ALK: variants seen among roughly 807,000 people sequenced by gnomAD.
The protein encoded by ALK is ALK receptor tyrosine kinase.
In ALK, 74 loss-of-function variants were observed where a neutral mutation model predicts 163.1. The ratio of observed to expected loss-of-function variants is 0.45; its 90% CI spans 0.38 to 0.55. The LOEUF (loss-of-function observed/expected upper bound fraction) is 0.55, where lower values mean the gene tolerates loss of function less well. Among genes scored for constraint, ALK ranks in the 20% least tolerant of loss-of-function variants. ALK has a pLI of 0.00. For missense variants in ALK, 2,063 were observed against 2,105.3 expected (o/e 0.98, Z 0.39); for synonymous variants, 960 against 843.2 (o/e 1.14, Z -2.40).
chr2:29,686,667 C>T lies in ALK; in HGVS notation c.952+8183G>A, dbSNP rs143514072. ...TTTCCTTGCTCCACATGCCTATCTC[C>T]CTATCTCCCTGTGGGCAGACCCATG... On this transcript the variant is annotated intron_variant, in intron 3 of 28. Coordinates refer to ENST00000389048, the MANE Select transcript of ALK (RefSeq NM_004304.5). Among the ~76,000 whole-genome samples, 1,109 of 152,270 alleles carry T rather than the reference C, an allele frequency of 7.3e-3. 5 individuals are homozygous for T. Among genetic ancestry groups the T allele is most frequent in the Non-Finnish European group, 0.011 (751 of 68,032 alleles).
chr2:29,794,952 A>C (rs1002503877), intron 1 of ALK, among the ~76,000 whole-genome samples: 12 of 152,206 alleles, frequency 7.9e-5, no homozygotes, highest in African/African-American at 2.9e-4. Context: ...ACAAAACTTC[A>C]ATTTGTGAAA....
chr2:29,910,839 C>T (rs942066177), intron 1 of ALK, among the ~76,000 whole-genome samples: 12 of 151,984 alleles, frequency 7.9e-5, no homozygotes, highest in Non-Finnish European at 1.8e-4. Context: ...ATATTAAAGG[C>T]TAAAGGAAAA....
chr2:29,643,387 T>C (rs1213803707), intron 3 of ALK, among the ~76,000 whole-genome samples: 1 of 152,184 alleles, frequency 6.6e-6, no homozygotes, highest in African/African-American at 2.4e-5. Flanking sequence ...TCAAAAAATA[T>C]GTTGGAAAGA....
chr2:29,874,718 A>G (rs926517705), intron 1 of ALK, among the ~76,000 whole-genome samples: 1 of 152,210 alleles, frequency 6.6e-6, no homozygotes, highest in Non-Finnish European at 1.5e-5. Context: ...CAGGGGAGAC[A>G]AGAGTGGATT....
chr2:29,906,806 T>C (rs1192199114), intron 1 of ALK, among the ~76,000 whole-genome samples: 3 of 152,194 alleles, frequency 2.0e-5, no homozygotes, highest in African/African-American at 7.2e-5. Context: ...GTAGCTGTTA[T>C]CATTAAATTA....
At chr2:29,208,362 G>C (rs942077258) in intron 25 of ALK, among the ~76,000 whole-genome samples, 1 of 152,174 alleles carries the variant, frequency 6.6e-6, no homozygotes, top group Non-Finnish European at 1.5e-5. Flanking sequence ...GAAGCCTGGA[G>C]CTGGGAGCTG....
chr2:29,590,632 A>C (rs2148206168), intron 3 of ALK, among the ~76,000 whole-genome samples: 1 of 152,190 alleles, frequency 6.6e-6, no homozygotes, highest in East Asian at 1.9e-4. Flanking sequence ...CTGTGAGGTC[A>C]CTTTAGCCAG....
At chr2:29,764,682 C>T (rs778512237) in intron 1 of ALK, among the ~76,000 whole-genome samples, 6 of 152,132 alleles carry the variant, frequency 3.9e-5, no homozygotes, top group African/African-American at 7.2e-5. Context: ...CATTCAAGTC[C>T]AGTCATTTTG....
intron 4 of ALK, among the ~76,000 whole-genome samples, chr2:29,497,787 T>C (rs764247189): frequency 4.6e-5 from 7 of 152,064 alleles, no homozygotes; most frequent in Non-Finnish European, 7.3e-5. Context: ...TAAGGCATGA[T>C]CATTTGTTAT....
chr2:29,745,759 C>T (rs1226564264), intron 1 of ALK, among the ~76,000 whole-genome samples: 4 of 152,306 alleles, frequency 2.6e-5, no homozygotes, highest in African/African-American at 4.8e-5. Context: ...TAATTACACA[C>T]GGGCTTAGTC....
chr2:29,794,389 T>C (rs1664257073), intron 1 of ALK, among the ~76,000 whole-genome samples: 2 of 152,324 alleles, frequency 1.3e-5, no homozygotes, highest in South Asian at 2.1e-4. Flanking sequence ...AAGGCTGTTT[T>C]GCTTTAAAAA....
chr2:29,268,024 G>T lies in ALK; in HGVS notation c.2041+7075C>A, dbSNP rs114618612. Reference sequence around the variant, plus strand: ...TATGCAAGCTTTCACTGAAACAAATGAGAAAAAACAACATGTTTTCTCAGG... The same window carrying T: ...TATGCAAGCTTTCACTGAAACAAATTAGAAAAAACAACATGTTTTCTCAGG... On this transcript the variant is annotated intron_variant, in intron 11 of 28. Coordinates refer to ENST00000389048, the MANE Select transcript of ALK (RefSeq NM_004304.5). 4.3e-3 allele frequency among the ~76,000 whole-genome samples: 653 copies of T among 152,296 alleles called. 11 individuals are homozygous for T. Among genetic ancestry groups the T allele is most frequent in the African/African-American group, 0.015 (623 of 41,552 alleles).
chr2:29,222,143 A>T (rs1573122741), intron 22 of ALK, among the ~76,000 whole-genome samples: 1 of 152,306 alleles, frequency 6.6e-6, no homozygotes, highest in East Asian at 1.9e-4. Flanking sequence ...GGCCACACAG[A>T]CTTTGTTTCT....
At chr2:29,821,253 G>A (rs76197857) in intron 1 of ALK, among the ~76,000 whole-genome samples, 3,347 of 152,160 alleles carry the variant, frequency 0.022, 111 homozygotes, top group East Asian at 0.11. Flanking sequence ...TACCCTCGGT[G>A]TTATAGTTTC....
chr2:29,258,685 A>G (rs1459052837), intron 11 of ALK, among the ~76,000 whole-genome samples: 1 of 152,206 alleles, frequency 6.6e-6, no homozygotes, highest in African/African-American at 2.4e-5. Flanking sequence ...TGAAAGCTCA[A>G]ATGATCACGT....
In ALK at chr2:29,604,163, GT is replaced by G. The variant is rs34399929; in HGVS notation, c.953-72048del. Among the ~76,000 whole-genome samples, 396 of 138,174 alleles carry G rather than the reference GT, an allele frequency of 2.9e-3. 1 individual carries two copies. Among genetic ancestry groups the G allele is most frequent in the African/African-American group, 6.5e-3 (244 of 37,274 alleles). 90.6% of individuals were successfully genotyped at this position (138,174 alleles called of 152,430 possible). ...TAACTCAAGAGCTGAGAATAGAGAA[GT>G]TTTTTTTTTTTTTTTTTACAGTTTT... On this transcript the variant is annotated intron_variant, in intron 3 of 28. Transcript: ENST00000389048.
intron 1 of ALK, among the ~76,000 whole-genome samples, chr2:29,766,382 T>G (rs1348616742): frequency 6.6e-6 from 1 of 152,142 alleles, no homozygotes; most frequent in Non-Finnish European, 1.5e-5. Context: ...GCATAGCTCC[T>G]TTCTCTCCCC....
chr2:29,757,657 T>C (rs1680576016), intron 1 of ALK, among the ~76,000 whole-genome samples: 1 of 152,010 alleles, frequency 6.6e-6, no homozygotes, highest in Non-Finnish European at 1.5e-5. Flanking sequence ...TAATAAACTT[T>C]GGATTTTGTC....
At chr2:29,218,442 G>T (rs1032381815) in intron 23 of ALK, among the ~76,000 whole-genome samples, 1 of 151,966 alleles carries the variant, frequency 6.6e-6, no homozygotes, top group Non-Finnish European at 1.5e-5. Context: ...TCTGGGGTGG[G>T]GGTAGTGAGA....
Sources: gnomAD v4.1 joint callset for allele counts (sites outside exome capture counted in the v4.1 genomes callset) on GRCh38, gnomAD v4.1.1 for gene constraint, MANE v1.5 for transcripts, NCBI Gene and HGNC (gene_info 2026-07-23, HGNC 2026-07-21) for gene names.